Variants in RPS6KA1 observed in about 807,000 individuals in gnomAD.
RPS6KA1 encodes ribosomal protein S6 kinase alpha-1.
In RPS6KA1, 48 loss-of-function variants were observed where a neutral mutation model predicts 91.3. The ratio of observed to expected loss-of-function variants is 0.53; its 90% CI spans 0.42 to 0.67. The LOEUF (loss-of-function observed/expected upper bound fraction) is 0.67, where lower values mean the gene tolerates loss of function less well. Among genes scored for constraint, RPS6KA1 ranks in the 30% least tolerant of loss-of-function variants. The pLI, the probability that RPS6KA1 is intolerant of heterozygous loss-of-function variation, is 0.00. For missense variants in RPS6KA1, 719 were observed against 960.5 expected, an observed-to-expected ratio of 0.75 and a Z score of 3.32; for synonymous variants, 359 against 384.7, an observed-to-expected ratio of 0.93 and a Z score of 0.78.
Position 26,554,580 on chromosome 1 carries a change from G to A in RPS6KA1, c.614-16G>A. 1 of 1,606,496 alleles carries A rather than the reference G, an allele frequency of 6.2e-7. No homozygotes were observed. Among genetic ancestry groups the A allele is most frequent in the South Asian group, 1.1e-5 (1 of 90,528 alleles). On this transcript the variant is annotated splice_polypyrimidine_tract_variant and intron_variant, in intron 8 of 21. Coordinates refer to ENST00000374168, the MANE Select transcript of RPS6KA1 (RefSeq NM_002953.4). This position sits in a 1 kb window ranked among gnomAD's most constrained non-coding sequence, Gnocchi z 4.6. ...CAGGGGTCCTAAGGTGTGTCCTCCT[G>A]CCCTCCTTGCTGTAGACTTTGGCCT... is the stretch of plus-strand genomic sequence containing the variant.
chr1:26,563,136 GC>G (rs1257222764), intron 17 of RPS6KA1, among the ~76,000 whole-genome samples: 12 of 151,788 alleles, frequency 7.9e-5, no homozygotes. Flanking sequence ...ACCACACCCG[GC>G]CCCCATTGTC....
intron 6 of RPS6KA1, 44 bp from the exon 7 acceptor site, chr1:26,553,347 A>G: frequency 7.2e-7 from 1 of 1,386,314 alleles, no homozygotes; most frequent in South Asian, 1.2e-5. Flanking sequence ...CCAGCTCTTA[A>G]GGAAGAGGAG....
chr1:26,538,633 G>A lies in RPS6KA1; in HGVS notation c.108+1664G>A, dbSNP rs555995272. On this transcript the variant is annotated intron_variant, in intron 2 of 21. Coordinates refer to ENST00000374168, the MANE Select transcript of RPS6KA1 (RefSeq NM_002953.4). ...AGTTCTAACTACATCCTTGGAGGTA[G>A]ATTGTTACTGTCCCCATTTTACAGA... Among the ~76,000 whole-genome samples, 6 of 152,336 alleles carry A rather than the reference G, an allele frequency of 3.9e-5. No homozygotes were observed. The South Asian group carries it at 1.2e-3, about 32-fold the overall frequency.
At position 26,555,454 on chromosome 1, in the gene RPS6KA1, G is replaced by C. The variant is rs2076091712; in HGVS notation, c.828-83G>C. On this transcript the variant is annotated intron_variant, in intron 10 of 21. Coordinates refer to ENST00000374168, the MANE Select transcript of RPS6KA1 (RefSeq NM_002953.4). The surrounding 1 kb of genome is among the most constrained non-coding windows in gnomAD (Gnocchi z 4.3). The stretch of plus-strand genomic sequence containing the variant: ...TGGATGGCTTGTCTAGACTGAGCTG[G>C]GAACTAGATCTGGACAGGGGCCGGG... The C allele has an allele frequency of 7.4e-7, 1 of 1,353,926 alleles. No homozygotes were observed. The highest frequency in any genetic ancestry group is 1.4e-5 in the African/African-American group (1 of 69,048). The allele number at this position is 1,353,926 out of a possible 1,614,324, so 83.9% of individuals were successfully genotyped here. A position where few individuals can be genotyped will look rare whatever the true frequency, so the allele number is the denominator to read the frequency against.
chr1:26,553,371 GC>G lies in RPS6KA1; in HGVS notation c.469-16del. 6.5e-7 allele frequency: 1 copy of G among 1,548,354 alleles called. No individual in the cohort carries two copies. The highest frequency in any genetic ancestry group is 2.3e-5 in the East Asian group (1 of 44,382). On this transcript the variant is annotated intron_variant, in intron 6 of 21. Coordinates refer to ENST00000374168, the MANE Select transcript of RPS6KA1 (RefSeq NM_002953.4). Reference sequence around the variant, plus strand: ...AAGGAAGAGGAGGTCCCTGCTGAAGGCCCCTCCTGTCTTTTGCAGGTGATGT... The same window carrying G: ...AAGGAAGAGGAGGTCCCTGCTGAAGGCCCTCCTGTCTTTTGCAGGTGATGT...
Position 26,561,647 on chromosome 1 carries a change from A to G in RPS6KA1, c.1574A>G (p.Tyr525Cys). 6.2e-7 allele frequency: 1 copy of G among 1,608,490 alleles called. No individual in the cohort carries two copies. The highest frequency in any genetic ancestry group is 8.5e-7 in the Non-Finnish European group (1 of 1,176,730). Residue 525 changes from tyrosine to cysteine, a missense_variant, in exon 17 of 22, where the codon TAT becomes TGT. By Grantham distance (194) the Tyr-to-Cys change is radical. Coordinates refer to ENST00000374168, the MANE Select transcript of RPS6KA1 (RefSeq NM_002953.4). The surrounding 1 kb of genome is among the most constrained non-coding windows in gnomAD (Gnocchi z 5.7). ...VLHTIGKTVE[Y>C]LHSQGVVHRD... ...CACACCATTGGCAAAACTGTGGAGT[A>G]TCTGCACTCACAGGGGGTGAGTCTG...
At chr1:26,546,690 C>T (rs1294085251) in intron 2 of RPS6KA1, among the ~76,000 whole-genome samples, 177 bp from the exon 3 acceptor site, 1 of 152,204 alleles carries the variant, frequency 6.6e-6, no homozygotes, top group Non-Finnish European at 1.5e-5. Flanking sequence ...GTTTGACCTC[C>T]CCAGACTTTG....
chr1:26,536,877 G>A (rs1326842528), intron 1 of RPS6KA1, 48 bp from the exon 2 acceptor site: 3 of 1,605,358 alleles, frequency 1.9e-6, no homozygotes, highest in African/African-American at 1.3e-5. Context: ...TTTCTCCCAA[G>A]CGTGTAAGTT....
chr1:26,556,575 TG>T (rs1267500987), intron 11 of RPS6KA1, 78 bp from the exon 12 acceptor site: 2 of 1,481,328 alleles, frequency 1.4e-6, no homozygotes, highest in African/African-American at 2.8e-5. Context: ...CCCAGAGCCC[TG>T]TGAGGCTGCT....
In RPS6KA1 at chr1:26,551,873, C is replaced by T; in HGVS notation, c.468+150C>T. On this transcript the variant is annotated intron_variant, in intron 6 of 21. Transcript: ENST00000374168. This position sits in a 1 kb window ranked among gnomAD's most constrained non-coding sequence, Gnocchi z 4.5. The stretch of plus-strand genomic sequence containing the variant: ...TAGCAGCCCCTGGCCCAGGAAATAC[C>T]ACGCACCCTGGAATGGAGGCCATAC... The T allele has an allele frequency of 2.9e-6, 2 of 682,088 alleles. No homozygotes were observed. Among genetic ancestry groups the T allele is most frequent in the South Asian group, 3.4e-5 (2 of 59,130 alleles). The allele number at this position is 682,088 out of a possible 1,614,324, so 42.3% of individuals were successfully genotyped here.
At chr1:26,550,812 G>A (rs2076043145) in intron 4 of RPS6KA1, among the ~76,000 whole-genome samples, 1 of 152,194 alleles carries the variant, frequency 6.6e-6, no homozygotes, top group Non-Finnish European at 1.5e-5. Context: ...GGCCTAAGCT[G>A]AGTCAAAGAA....
chr1:26,531,034 C>A, intron 1 of RPS6KA1: 1 of 538,268 alleles, frequency 1.9e-6, no homozygotes, highest in Non-Finnish European at 2.6e-6. Flanking sequence ...CCTCCTCTGC[C>A]CTCTCTTACC....
chr1:26,554,928 C>T lies in RPS6KA1; in HGVS notation c.756+190C>T, dbSNP rs993555146. Among the ~76,000 whole-genome samples, 20 of 152,210 alleles carry T rather than the reference C, an allele frequency of 1.3e-4. No homozygotes were observed. The highest frequency in any genetic ancestry group is 9.6e-4 in the East Asian group (5 of 5,188). On this transcript the variant is annotated intron_variant, in intron 9 of 21. Transcript: ENST00000374168. The surrounding 1 kb of genome is among the most constrained non-coding windows in gnomAD (Gnocchi z 4.6). ...CCCAGGCTTGACCCCACCTGGGACG[C>T]GCCTAACCCAGTGCTGGCCTTCTCC...
In RPS6KA1 at chr1:26,561,208, C is replaced by G. The variant is rs2076151757; in HGVS notation, c.1431+74C>G. ...CAGGATTTGTCTCAGGATTGCCATT[C>G]CTTTGACTTCTCATCCTCTTTCCAG... On this transcript the variant is annotated intron_variant, in intron 16 of 21. Transcript: ENST00000374168. This position sits in a 1 kb window ranked among gnomAD's most constrained non-coding sequence, Gnocchi z 5.7. The G allele has an allele frequency of 5.1e-6, 7 of 1,362,812 alleles. No individual in the cohort carries two copies. Among genetic ancestry groups the G allele is most frequent in the Non-Finnish European group, 6.2e-6 (6 of 960,256 alleles). The allele number at this position is 1,362,812 out of a possible 1,614,324, so 84.4% of individuals were successfully genotyped here. A position where few individuals can be genotyped will look rare whatever the true frequency, so the allele number is the denominator to read the frequency against.
At chr1:26,573,169 AGG>A in intron 20 of RPS6KA1, 53 bp from the exon 21 acceptor site, 1 of 1,585,114 alleles carries the variant, frequency 6.3e-7, no homozygotes, top group Admixed American at 1.7e-5. Flanking sequence ...GTGCCCCATC[AGG>A]GGCCTGCTCC....
chr1:26,529,902 G>T lies in RPS6KA1; in HGVS notation c.-19G>T. On this transcript the variant is annotated 5_prime_UTR_variant, in exon 1 of 22. Coordinates refer to ENST00000374168, the MANE Select transcript of RPS6KA1 (RefSeq NM_002953.4). This position sits in a 1 kb window ranked among gnomAD's most constrained non-coding sequence, Gnocchi z 4.2. ...AGCCGGGGCCGCCGGAGGAGCGCGG[G>T]TGACCTGGCGGCGGCGAGATGCCGC... The T allele has an allele frequency of 1.4e-6, 2 of 1,421,334 alleles. No homozygotes were observed. Among genetic ancestry groups the T allele is most frequent in the South Asian group, 1.3e-5 (1 of 75,094 alleles). The allele number at this position is 1,421,334 out of a possible 1,614,324, so 88.0% of individuals were successfully genotyped here.
rs2076080808 is a variant in RPS6KA1 at position 26,554,448 on chromosome 1, T to C, written c.614-148T>C. On this transcript the variant is annotated intron_variant, in intron 8 of 21. Coordinates refer to ENST00000374168, the MANE Select transcript of RPS6KA1 (RefSeq NM_002953.4). The surrounding 1 kb of genome is among the most constrained non-coding windows in gnomAD (Gnocchi z 4.6). ...CCCTCATTGTGTAACGTTGAGCAAG[T>C]CACCTGACCTCTCTGGGCCTTAGCT... The C allele has an allele frequency of 8.4e-7, 1 of 1,197,102 alleles. No individual in the cohort carries two copies. Among genetic ancestry groups the C allele is most frequent in the Admixed American group, 2.2e-5 (1 of 45,704 alleles). The allele number at this position is 1,197,102 out of a possible 1,614,324, so 74.2% of individuals were successfully genotyped here.
chr1:26,547,664 G>T lies in RPS6KA1; in HGVS notation c.307+394G>T, dbSNP rs2076007519. ...AAGAGGCAGGGAGCCCAGGGAGGCA[G>T]CTGGGCTAGGCAAGAGAGGGTGAGT... On this transcript the variant is annotated intron_variant, in intron 4 of 21. Transcript: ENST00000374168. The surrounding 1 kb of genome is among the most constrained non-coding windows in gnomAD (Gnocchi z 4.1). 2.2e-5 allele frequency: 5 copies of T among 232,124 alleles called. No homozygotes were observed. Among genetic ancestry groups the T allele is most frequent in the South Asian group, 1.0e-4 (2 of 19,180 alleles). 14.4% of individuals were successfully genotyped at this position (232,124 alleles called of 1,614,324 possible).
intron 1 of RPS6KA1, among the ~76,000 whole-genome samples, chr1:26,533,574 T>C (rs1202126821): frequency 6.6e-6 from 1 of 152,132 alleles, no homozygotes; most frequent in African/African-American, 2.4e-5. Context: ...GGTGTGGTGG[T>C]GCGGCCTATA....
Sources: allele counts gnomAD v4.1 joint callset (sites outside exome capture counted in the v4.1 genomes callset), GRCh38; gene constraint gnomAD v4.1.1; non-coding constraint Gnocchi (gnomAD v3.1); transcripts MANE v1.5; gene names NCBI Gene and HGNC (gene_info 2026-07-23, HGNC 2026-07-21).